Variants in LRRC4C observed in about 807,000 individuals in gnomAD.
The protein encoded by LRRC4C is leucine-rich repeat-containing protein 4C.
LRRC4C carries 5 observed loss-of-function variants against 33.6 expected under a neutral mutation model. The observed-to-expected ratio is 0.15, with a 90% CI of 0.08 to 0.31. The LOEUF is 0.31. Among genes scored for constraint, LRRC4C ranks in the 10% least tolerant of loss-of-function variants. LRRC4C has a pLI of 1.00. For missense variants in LRRC4C, 560 were observed against 796.7 expected (o/e 0.70, Z 3.58); for synonymous variants, 329 against 302.0 (o/e 1.09, Z -0.93).
At chr11:41,060,566 T>C (rs1937685448) in intron 1 of LRRC4C, among the ~76,000 whole-genome samples, 1 of 152,176 alleles carries the variant, frequency 6.6e-6, no homozygotes, top group Admixed American at 6.5e-5. Context: ...TCTCTTCTTA[T>C]GAGGACACTA....
At chr11:41,436,605 CT>C (rs775468706) in intron 1 of LRRC4C, among the ~76,000 whole-genome samples, 14 of 152,338 alleles carry the variant, frequency 9.2e-5, no homozygotes, top group Middle Eastern at 3.4e-3. Flanking sequence ...CCTCCACTGT[CT>C]GATAATGTAC....
At chr11:41,417,626 A>C (rs879870489) in intron 1 of LRRC4C, among the ~76,000 whole-genome samples, 1 of 151,960 alleles carries the variant, frequency 6.6e-6, no homozygotes, top group Non-Finnish European at 1.5e-5. Flanking sequence ...TCTAAAGTTA[A>C]TCAGCCCAGC....
At chr11:40,195,771 C>G (rs996973034) in intron 5 of LRRC4C, among the ~76,000 whole-genome samples, 1 of 151,746 alleles carries the variant, frequency 6.6e-6, no homozygotes, top group African/African-American at 2.4e-5. Flanking sequence ...TCCTTGACTT[C>G]CAGAGGGCAA....
intron 2 of LRRC4C, among the ~76,000 whole-genome samples, chr11:40,789,093 G>GAAAAAAA (rs397956716): frequency 4.7e-5 from 3 of 63,522 alleles, no homozygotes; most frequent in African/African-American, 1.3e-4. Flanking sequence ...TCCGTCTCGG[G>GAAAAAAA]AAAAAAAAAA....
chr11:40,591,320 C>T (rs1959047660), intron 3 of LRRC4C, among the ~76,000 whole-genome samples: 1 of 152,190 alleles, frequency 6.6e-6, no homozygotes, highest in Admixed American at 6.5e-5. Context: ...TGAGGCAATG[C>T]CTCGCCCTGC....
chr11:40,956,955 C>A (rs1295068335), intron 1 of LRRC4C, among the ~76,000 whole-genome samples: 2 of 151,794 alleles, frequency 1.3e-5, no homozygotes, highest in Admixed American at 1.3e-4. Flanking sequence ...GTTCCCAGTG[C>A]ATAAAGGGAA....
chr11:40,435,325 GAT>G (rs1421155514), intron 3 of LRRC4C, among the ~76,000 whole-genome samples: 6 of 152,280 alleles, frequency 3.9e-5, no homozygotes, highest in Non-Finnish European at 7.4e-5. Flanking sequence ...CCAAACACTT[GAT>G]CAAACTCCTG....
chr11:41,027,949 C>CA (rs1434797768), intron 1 of LRRC4C, among the ~76,000 whole-genome samples: 3 of 151,572 alleles, frequency 2.0e-5, no homozygotes, highest in Admixed American at 6.6e-5. Flanking sequence ...AATTAAAACT[C>CA]AAACAGTAAT....
chr11:40,537,681 G>A (rs1232516271), intron 3 of LRRC4C, among the ~76,000 whole-genome samples: 2 of 152,074 alleles, frequency 1.3e-5, no homozygotes, highest in Non-Finnish European at 2.9e-5. Context: ...CAAATAAGCT[G>A]TGGCCAGATC....
chr11:41,010,657 T>C lies in LRRC4C; in HGVS notation c.-495-76934A>G, dbSNP rs555087767. ...ATGTTGGCCATACTGTGGCTCAGTC[T>C]AGGCTAAGCAAGTGAAATCATATTT... On this transcript the variant is annotated intron_variant, in intron 1 of 6. Coordinates refer to ENST00000528697, the MANE Select transcript of LRRC4C (RefSeq NM_001258419.2). 7.9e-5 allele frequency among the ~76,000 whole-genome samples: 12 copies of C among 152,300 alleles called. 1 individual carries two copies. Among genetic ancestry groups the C allele is most frequent in the South Asian group, 6.2e-4 (3 of 4,832 alleles).
At chr11:40,658,786 C>A (rs1943262099) in intron 2 of LRRC4C, among the ~76,000 whole-genome samples, 1 of 152,160 alleles carries the variant, frequency 6.6e-6, no homozygotes, top group South Asian at 2.1e-4. Context: ...GGTATAGGAA[C>A]AATGGAAATG....
chr11:40,851,472 T>C (rs1418182307), intron 2 of LRRC4C, among the ~76,000 whole-genome samples: 2 of 152,144 alleles, frequency 1.3e-5, no homozygotes, highest in Non-Finnish European at 2.9e-5. Flanking sequence ...GCACCCACTG[T>C]CTAACTGGTC....
chr11:40,853,141 G>A (rs1417793601), intron 2 of LRRC4C, among the ~76,000 whole-genome samples: 2 of 152,222 alleles, frequency 1.3e-5, no homozygotes, highest in Admixed American at 6.5e-5. Flanking sequence ...TTGTGGTGCT[G>A]TTGGTGTAAA....
chr11:40,289,518 G>A (rs192593019), intron 4 of LRRC4C, among the ~76,000 whole-genome samples: 3 of 152,250 alleles, frequency 2.0e-5, no homozygotes, highest in South Asian at 2.1e-4. Context: ...AGATTCTGGT[G>A]GACAACTGCT....
intron 1 of LRRC4C, among the ~76,000 whole-genome samples, chr11:41,327,211 T>C (rs1951149781): frequency 6.6e-6 from 1 of 152,168 alleles, no homozygotes; most frequent in African/African-American, 2.4e-5. Context: ...TTATTTTTAA[T>C]TAAGAAAAGT....
intron 1 of LRRC4C, among the ~76,000 whole-genome samples, chr11:41,214,336 G>A (rs1405002208): frequency 6.6e-6 from 1 of 152,028 alleles, no homozygotes; most frequent in Non-Finnish European, 1.5e-5. Flanking sequence ...CTAGAAAACT[G>A]ATCAGATGTG....
chr11:41,351,925 A>G (rs1951998300), intron 1 of LRRC4C, among the ~76,000 whole-genome samples: 1 of 152,154 alleles, frequency 6.6e-6, no homozygotes, highest in Admixed American at 6.5e-5. Flanking sequence ...CAATAAATAC[A>G]CTTCGGTACA....
At chr11:41,112,217 G>A (rs1245509575) in intron 1 of LRRC4C, among the ~76,000 whole-genome samples, 1 of 151,990 alleles carries the variant, frequency 6.6e-6, no homozygotes, top group Non-Finnish European at 1.5e-5. Context: ...CATCCAATGA[G>A]GTAAGTTCCT....
At chr11:40,312,350 T>G (rs1455745190) in intron 4 of LRRC4C, among the ~76,000 whole-genome samples, 2 of 152,196 alleles carry the variant, frequency 1.3e-5, no homozygotes, top group Non-Finnish European at 2.9e-5. Flanking sequence ...TGAATGATCT[T>G]GAACAAATAA....
Sources: gnomAD v4.1 joint callset for allele counts (sites outside exome capture counted in the v4.1 genomes callset) on GRCh38, gnomAD v4.1.1 for gene constraint, MANE v1.5 for transcripts, NCBI Gene and HGNC (gene_info 2026-07-23, HGNC 2026-07-21) for gene names.